Variants in PRPSAP2 observed in about 807,000 individuals in gnomAD.
PRPSAP2 encodes the protein phosphoribosyl pyrophosphate synthase-associated protein 2.
Under a neutral mutation model 40.6 loss-of-function variants are expected in PRPSAP2, and 24 were observed. That is an observed-to-expected ratio of 0.59 (90% CI 0.43 to 0.83). The LOEUF (loss-of-function observed/expected upper bound fraction) is 0.83. Ranked by LOEUF, PRPSAP2 falls within the 40% of genes least tolerant of loss-of-function variation. The probability of loss-of-function intolerance (pLI) is 0.00; values close to 1 mark genes in which losing one functional copy is unlikely to be tolerated. For missense variants in PRPSAP2, 292 were observed against 465.6 expected, an observed-to-expected ratio of 0.63 and a Z score of 3.43; for synonymous variants, 149 against 164.7, an observed-to-expected ratio of 0.90 and a Z score of 0.73.
At chr17:18,860,825 T>C (rs1457102081) in intron 1 of PRPSAP2, 1 of 152,226 alleles carries the variant, frequency 6.6e-6, no homozygotes, top group Admixed American at 6.6e-5. Context: ...GTGTGGTTTC[T>C]TCATTCATGA....
intron 10 of PRPSAP2, among the ~76,000 whole-genome samples, chr17:18,926,273 A>ATT (rs778589028): frequency 1.4e-4 from 15 of 108,324 alleles, no homozygotes; most frequent in African/African-American, 4.9e-4. Context: ...ATTTATTTCT[A>ATT]TTTTTTTTTT....
chr17:18,910,813 A>G (rs1046077266), intron 8 of PRPSAP2, among the ~76,000 whole-genome samples: 2 of 152,192 alleles, frequency 1.3e-5, no homozygotes, highest in African/African-American at 4.8e-5. Flanking sequence ...TAGGTGAGAC[A>G]GAGCTGAGCG....
rs142510215 is a variant in PRPSAP2, at chr17:18,909,327, C to T, written c.585-1776C>T. Among the ~76,000 whole-genome samples the T allele has an allele frequency of 2.5e-3, 376 of 151,558 alleles. 1 individual carries two copies. Among genetic ancestry groups the T allele is most frequent in the Non-Finnish European group, 3.4e-3 (228 of 67,922 alleles). ...CACTATCTCCACTCACTGCGAGCTC[C>T]GCCTTCCAGGTTCACGCCATTCTCC... On this transcript the variant is annotated intron_variant, in intron 8 of 11. Coordinates refer to ENST00000268835, the MANE Select transcript of PRPSAP2 (RefSeq NM_002767.4).
At chr17:18,890,361 A>G (rs7220958) in intron 8 of PRPSAP2, among the ~76,000 whole-genome samples, 152,014 of 152,022 alleles carry the variant, frequency 1, 76,003 homozygotes, top group Middle Eastern at 1. Context: ...GTAGAGATGA[A>G]GTTTCACCAT....
At chr17:18,869,987 A>G (rs980802128) in intron 4 of PRPSAP2, among the ~76,000 whole-genome samples, 1 of 151,884 alleles carries the variant, frequency 6.6e-6, no homozygotes. Context: ...AGGTGGGCTT[A>G]CAGGTGTGTG....
intron 5 of PRPSAP2, among the ~76,000 whole-genome samples, chr17:18,872,864 A>G (rs2037991819): frequency 6.7e-6 from 1 of 150,154 alleles, no homozygotes; most frequent in Non-Finnish European, 1.5e-5. Flanking sequence ...TTTTTTTGAG[A>G]CAAAGTCCCA....
chr17:18,874,339 A>G, intron 5 of PRPSAP2, among the ~76,000 whole-genome samples: 1 of 152,158 alleles, frequency 6.6e-6, no homozygotes, highest in East Asian at 1.9e-4. Flanking sequence ...ATTATTTTTT[A>G]GCTTAGAGAG....
intron 9 of PRPSAP2, among the ~76,000 whole-genome samples, chr17:18,913,133 C>G (rs1390441592): frequency 1.3e-5 from 2 of 152,316 alleles, no homozygotes; most frequent in Non-Finnish European, 2.9e-5. Flanking sequence ...TCTTGCCCCA[C>G]AACTCCACTG....
chr17:18,858,025 T>G (rs1360004598), upstream of PRPSAP2: 3 of 117,932 alleles, frequency 2.5e-5, no homozygotes, highest in African/African-American at 1.0e-4. Context: ...CTACACCCAC[T>G]GCCCCGCGCC....
At position 18,911,339 on chromosome 17, in the gene PRPSAP2, GT is replaced by G; in HGVS notation, c.733+97del. ...TGTGTGGTTTTTTTCCTCATTCTTCGTTTTTTTTTAGTTGGCAAAAACTCAT... is the reference window on the plus strand; with the variant it reads ...TGTGTGGTTTTTTTCCTCATTCTTCGTTTTTTTTAGTTGGCAAAAACTCAT... On this transcript the variant is annotated intron_variant, in intron 9 of 11. Transcript: ENST00000268835. This position sits in a 1 kb window ranked among gnomAD's most constrained non-coding sequence, Gnocchi z 4.5. The G allele has an allele frequency of 9.5e-6, 13 of 1,366,684 alleles. No homozygotes were observed. The highest frequency in any genetic ancestry group is 5.5e-5 in the South Asian group (3 of 54,576). 84.7% of individuals were successfully genotyped at this position (1,366,684 alleles called of 1,614,324 possible). A position where few individuals can be genotyped will look rare whatever the true frequency, so the allele number is the denominator to read the frequency against.
At chr17:18,856,800 C>G (rs895144335), upstream of PRPSAP2, among the ~76,000 whole-genome samples, 2 of 152,172 alleles carry the variant, frequency 1.3e-5, no homozygotes, top group Non-Finnish European at 2.9e-5. Flanking sequence ...CGTCTCAGTT[C>G]CCACAACTAT....
At chr17:18,914,619 A>G (rs1231227984) in intron 9 of PRPSAP2, among the ~76,000 whole-genome samples, 4 of 150,078 alleles carry the variant, frequency 2.7e-5, no homozygotes, top group African/African-American at 9.8e-5. Flanking sequence ...TTTAAGTTCT[A>G]CCTCCCCTTT....
intron 9 of PRPSAP2, among the ~76,000 whole-genome samples, chr17:18,912,760 T>G (rs567743915): frequency 6.6e-6 from 1 of 152,054 alleles, no homozygotes; most frequent in African/African-American, 2.4e-5. Flanking sequence ...TGAGGCCCAG[T>G]GTGGTGGTTC....
intron 6 of PRPSAP2, among the ~76,000 whole-genome samples, chr17:18,879,333 G>T (rs564748960): frequency 1.4e-3 from 211 of 152,096 alleles, no homozygotes; most frequent in Non-Finnish European, 2.4e-3. Context: ...TGCCCAGTCT[G>T]GAGTGCAATG....
Position 18,865,955 on chromosome 17 carries a change from G to T in PRPSAP2, c.119+3G>T. ...GAGCTATCAAAGAAAATTGCAGAGT[G>T]AGTTATAATTGTACCATTAAAATCT... On this transcript the variant is annotated splice_donor_region_variant and intron_variant, in intron 3 of 11. Coordinates refer to ENST00000268835, the MANE Select transcript of PRPSAP2 (RefSeq NM_002767.4). 2 of 1,423,692 alleles carry T rather than the reference G, an allele frequency of 1.4e-6. No homozygotes were observed. The highest frequency in any genetic ancestry group is 3.6e-5 in the South Asian group (2 of 55,250). 88.2% of individuals were successfully genotyped at this position (1,423,692 alleles called of 1,614,324 possible). A position where few individuals can be genotyped will look rare whatever the true frequency, so the allele number is the denominator to read the frequency against.
At chr17:18,925,051 C>T (rs1431833160) in intron 10 of PRPSAP2, among the ~76,000 whole-genome samples, 3 of 151,652 alleles carry the variant, frequency 2.0e-5, no homozygotes, top group African/African-American at 7.3e-5. Context: ...ATCTGGGAGG[C>T]GGAGGTTGCA....
At chr17:18,915,945 G>A (rs959521696) in intron 9 of PRPSAP2, among the ~76,000 whole-genome samples, 35 of 151,580 alleles carry the variant, frequency 2.3e-4, no homozygotes, top group African/African-American at 8.0e-4. Flanking sequence ...TCAGCCTCCC[G>A]AGTAGCTGGG....
At chr17:18,898,885 GTGTTTGTTTGTTTGTTTGTT>G (rs55864350) in intron 8 of PRPSAP2, among the ~76,000 whole-genome samples, 1 of 150,740 alleles carries the variant, frequency 6.6e-6, no homozygotes, top group Non-Finnish European at 1.5e-5. Flanking sequence ...TAAATGTCAG[GTGTTTGTTTGTTTGTTTGTT>G]TGTTTGTTTG....
chr17:18,885,423 A>G (rs1428514837), intron 7 of PRPSAP2, among the ~76,000 whole-genome samples: 44 of 150,148 alleles, frequency 2.9e-4, no homozygotes, highest in African/African-American at 1.1e-3. Flanking sequence ...AAAAAAAAAA[A>G]AAAAAATTAA....
Sources: gnomAD v4.1 joint callset for allele counts (sites outside exome capture counted in the v4.1 genomes callset) on GRCh38, gnomAD v4.1.1 for gene constraint, Gnocchi (gnomAD v3.1) non-coding constraint, MANE v1.5 for transcripts, NCBI Gene and HGNC (gene_info 2026-07-23, HGNC 2026-07-21) for gene names.